Variants in FMR1 observed in about 807,000 individuals in gnomAD.
FMR1 encodes the protein fragile X messenger ribonucleoprotein 1.
In FMR1, 13 loss-of-function variants were observed where a neutral mutation model predicts 50.6. That is an observed-to-expected ratio of 0.26 (90% CI 0.17 to 0.41). The LOEUF (loss-of-function observed/expected upper bound fraction) is 0.41. Ranked by LOEUF, FMR1 falls within the 10% of genes least tolerant of loss-of-function variation. The probability of loss-of-function intolerance (pLI) is 1.00; values close to 1 mark genes in which losing one functional copy is unlikely to be tolerated. For synonymous variants in FMR1, 138 were observed against 164.1 expected (o/e 0.84, Z 1.22); for missense variants, 316 against 491.3 (o/e 0.64, Z 3.37).
intron 5 of FMR1, among the ~76,000 whole-genome samples, chrX:147,929,632 A>AGAAATCAGATACCCTGTAGGTAGCT (rs2043520595): frequency 9.0e-6 from 1 of 111,159 alleles, no homozygotes; most frequent in South Asian, 3.8e-4. Context: ...AGAAGAAGAA[A>AGAAATCAGATACCCTGTAGGTAGCT]GAAATCAGAT....
intron 9 of FMR1, among the ~76,000 whole-genome samples, chrX:147,936,203 A>G (rs1335821465): frequency 8.9e-6 from 1 of 112,092 alleles, no homozygotes; most frequent in Non-Finnish European, 1.9e-5. Flanking sequence ...TTGTGCAAAA[A>G]TAAGAGGTTA....
chrX:147,948,082 T>C (rs2044238934), intron 16 of FMR1, among the ~76,000 whole-genome samples: 1 of 112,255 alleles, frequency 8.9e-6, no homozygotes, highest in Non-Finnish European at 1.9e-5. Context: ...GTTCAGGTTG[T>C]AGGATCATCT....
chrX:147,921,918 T>C lies in FMR1; in HGVS notation c.52-15T>C. On this transcript the variant is annotated splice_polypyrimidine_tract_variant and intron_variant, in intron 1 of 16. Coordinates refer to ENST00000370475, the MANE Select transcript of FMR1 (RefSeq NM_002024.6). ...TTTAAGCTCACAAGTTAATTTAACG[T>C]TTTTTCTTACACAGGCATTTGTAAA... 1 of 1,130,220 alleles carries C rather than the reference T, an allele frequency of 8.8e-7. No homozygotes were observed. Among genetic ancestry groups the C allele is most frequent in the Non-Finnish European group, 1.2e-6 (1 of 822,855 alleles). 93.1% of individuals were successfully genotyped at this position (1,130,220 alleles called of 1,213,427 possible). A position where few individuals can be genotyped will look rare whatever the true frequency, so the allele number is the denominator to read the frequency against.
At chrX:147,919,217 A>C (rs1935770736) in intron 1 of FMR1, among the ~76,000 whole-genome samples, 2 of 111,705 alleles carry the variant, frequency 1.8e-5, no homozygotes, top group Non-Finnish European at 3.8e-5. Flanking sequence ...TAGCACCCCC[A>C]AAAAGCAAAC....
intron 14 of FMR1, chrX:147,944,579 A>T (rs1256019983): frequency 1.1e-6 from 1 of 944,114 alleles, no homozygotes; most frequent in Non-Finnish European, 1.3e-6. Context: ...GAACACAGCT[A>T]TTTAATGATA....
chrX:147,937,868 T>G (rs782156542), intron 11 of FMR1, among the ~76,000 whole-genome samples: 3 of 112,410 alleles, frequency 2.7e-5, no homozygotes, highest in African/African-American at 9.7e-5. Context: ...GGACTCTCTT[T>G]TTTCCATGCC....
intron 13 of FMR1, among the ~76,000 whole-genome samples, chrX:147,942,742 T>C (rs29290): frequency 0.026 from 2,899 of 112,642 alleles, 104 homozygotes; most frequent in African/African-American, 0.089. Flanking sequence ...ATACCTTGAA[T>C]GTCATTTATC....
chrX:147,940,160 CA>C (rs782591628), intron 12 of FMR1: 1,212 of 31,332 alleles, frequency 0.039, 4 homozygotes, highest in African/African-American at 0.12. Context: ...GACTCCGTCT[CA>C]AAAAAAAAAA....
At position 147,925,652 on chromosome X, in the gene FMR1, A is replaced by G; in HGVS notation, c.198+19A>G. On this transcript the variant is annotated intron_variant, in intron 3 of 16. Transcript: ENST00000370475. ...AGTTGAGGTGAGTTTTCCCTGCCAT[A>G]AAGTCATTTAGCACTGAAAGAGTGG... is the stretch of plus-strand genomic sequence containing the variant. The G allele has an allele frequency of 9.8e-7, 1 of 1,020,876 alleles. No individual in the cohort carries two copies. The highest frequency in any genetic ancestry group is 1.9e-5 in the South Asian group (1 of 52,884). 84.1% of individuals were successfully genotyped at this position (1,020,876 alleles called of 1,213,427 possible).
At chrX:147,940,325 G>T in intron 12 of FMR1, 1 of 356,347 alleles carries the variant, frequency 2.8e-6, no homozygotes, top group Non-Finnish European at 4.9e-6. Flanking sequence ...TGATTTTGCT[G>T]ATACTGAATA....
intron 15 of FMR1, among the ~76,000 whole-genome samples, 166 bp from the exon 16 acceptor site, chrX:147,945,368 C>T (rs2044138948): frequency 8.9e-6 from 1 of 112,567 alleles, no homozygotes; most frequent in East Asian, 2.8e-4. Flanking sequence ...TTTTCTGTTA[C>T]TTAGCAGCAG....
At chrX:147,922,756 A>T (rs1233164387) in intron 2 of FMR1, among the ~76,000 whole-genome samples, 1 of 111,494 alleles carries the variant, frequency 9.0e-6, no homozygotes, top group Non-Finnish European at 1.9e-5. Flanking sequence ...TTTGGCTCTT[A>T]TATACCAAGA....
chrX:147,925,055 A>T (rs1191027188), intron 2 of FMR1: 1 of 132,542 alleles, frequency 7.5e-6, no homozygotes, highest in Non-Finnish European at 1.5e-5. Flanking sequence ...AAGGGGGAAA[A>T]GTGAGTTGTG....
chrX:147,930,540 C>T (rs1557178513), intron 7 of FMR1, among the ~76,000 whole-genome samples: 1 of 111,755 alleles, frequency 8.9e-6, no homozygotes, highest in African/African-American at 3.2e-5. Context: ...AACATGTTGT[C>T]ATTAAAAATA....
rs2044275702 is a variant in FMR1 at position 147,949,699 on chromosome X, T to C, written c.*855T>C. The C allele has an allele frequency of 3.0e-6, 1 of 329,434 alleles. No individual in the cohort carries two copies. The highest frequency in any genetic ancestry group is 5.9e-6 in the Non-Finnish European group (1 of 169,904). The allele number at this position is 329,434 out of a possible 1,213,427, so 27.1% of individuals were successfully genotyped here. A position where few individuals can be genotyped will look rare whatever the true frequency, so the allele number is the denominator to read the frequency against. On this transcript the variant is annotated 3_prime_UTR_variant, in exon 17 of 17. Transcript: ENST00000370475. ...TATCTTCATCTGAGAGAGGCTAAAA[T>C]GTTTTCAGCTAGGAACAAATCTTCC...
Position 147,950,599 on chromosome X carries a change from T to A in FMR1, c.*1755T>A. 1 of 329,765 alleles carries A rather than the reference T, an allele frequency of 3.0e-6. No individual in the cohort carries two copies. Among genetic ancestry groups the A allele is most frequent in the Non-Finnish European group, 5.9e-6 (1 of 169,857 alleles). 27.2% of individuals were successfully genotyped at this position (329,765 alleles called of 1,213,427 possible). A position where few individuals can be genotyped will look rare whatever the true frequency, so the allele number is the denominator to read the frequency against. On this transcript the variant is annotated 3_prime_UTR_variant, in exon 17 of 17. Transcript: ENST00000370475. ...TGGTTATAGTGCAATATATTTTGTATGCAAGCAGTTTCAATAAAGTTTGAT... is the reference window on the plus strand; with the variant it reads ...TGGTTATAGTGCAATATATTTTGTAAGCAAGCAGTTTCAATAAAGTTTGAT...
chrX:147,912,361 A>T, intron 1 of FMR1, 131 bp downstream of exon 1: 4 of 619,255 alleles, frequency 6.5e-6, no homozygotes, highest in Non-Finnish European at 1.0e-5. Flanking sequence ...GCTCGGCGGG[A>T]TGTTGTTGGG....
rs1465668121 is a variant in FMR1, at chrX:147,928,218, A to G, written c.199-104A>G. ...AGGATATATGACATGTGGTTTTTAA[A>G]GACACCTAGGGGCATTTTAAGAAAA... is the stretch of plus-strand genomic sequence containing the variant. On this transcript the variant is annotated intron_variant, in intron 3 of 16. Coordinates refer to ENST00000370475, the MANE Select transcript of FMR1 (RefSeq NM_002024.6). 1.1e-5 allele frequency: 8 copies of G among 703,984 alleles called. No individual in the cohort carries two copies. The African/African-American group carries it at 1.7e-4, about 15-fold the overall frequency. 58.0% of individuals were successfully genotyped at this position (703,984 alleles called of 1,213,427 possible).
chrX:147,930,797 G>A (rs2043568585), intron 7 of FMR1: 1 of 112,470 alleles, frequency 8.9e-6, no homozygotes, highest in African/African-American at 3.3e-5. Context: ...TATCAAGTAC[G>A]TCCATCCATT....
Sources: allele counts gnomAD v4.1 joint callset (sites outside exome capture counted in the v4.1 genomes callset), GRCh38; gene constraint gnomAD v4.1.1; transcripts MANE v1.5; gene names NCBI Gene and HGNC (gene_info 2026-07-23, HGNC 2026-07-21).